NFASC: variants seen among roughly 807,000 people sequenced by gnomAD.
The protein encoded by NFASC is neurofascin homolog.
NFASC carries 43 observed loss-of-function variants against 147.5 expected under a neutral mutation model. The ratio of observed to expected loss-of-function variants is 0.29; its 90% confidence interval spans 0.23 to 0.38. The LOEUF is 0.38. NFASC is among the 10% of genes least tolerant of loss of function. The pLI is 1.00. For missense variants in NFASC, 1,320 were observed against 1,689.0 expected, an observed-to-expected ratio of 0.78 and a Z score of 3.83; for synonymous variants, 622 against 665.5, an observed-to-expected ratio of 0.93 and a Z score of 1.01.
At chr1:204,856,256 A>G (rs998183675) in intron 1 of NFASC, among the ~76,000 whole-genome samples, 2 of 152,064 alleles carry the variant, frequency 1.3e-5, no homozygotes, top group Non-Finnish European at 2.9e-5. Context: ...ATACAGACAG[A>G]TGGCTGTTGC....
chr1:205,007,678 A>T (rs1360705881), intron 27 of NFASC, among the ~76,000 whole-genome samples: 3 of 152,172 alleles, frequency 2.0e-5, no homozygotes, highest in Non-Finnish European at 4.4e-5. Flanking sequence ...CAAGGCAGCC[A>T]TTAGAAGAAA....
rs979317406 is a variant in NFASC, at chr1:205,016,810, C to T, written c.*271C>T. The T allele has an allele frequency of 9.4e-6, 5 of 529,278 alleles. No homozygotes were observed. Among genetic ancestry groups the T allele is most frequent in the Middle Eastern group, 5.2e-4 (1 of 1,912 alleles). 32.8% of individuals were successfully genotyped at this position (529,278 alleles called of 1,614,324 possible). A position where few individuals can be genotyped will look rare whatever the true frequency, so the allele number is the denominator to read the frequency against. ...GGGAGCCTGGCCCCTTGCCCGGTCTCGCAGCCACCCCGAGCGTTCCACCAC... is the reference window on the plus strand; with the variant it reads ...GGGAGCCTGGCCCCTTGCCCGGTCTTGCAGCCACCCCGAGCGTTCCACCAC... On this transcript the variant is annotated 3_prime_UTR_variant, in exon 30 of 30. Coordinates refer to ENST00000339876, the MANE Select transcript of NFASC (RefSeq NM_001005388.3). This position sits in a 1 kb window ranked among gnomAD's most constrained non-coding sequence, Gnocchi z 5.1.
intron 2 of NFASC, among the ~76,000 whole-genome samples, chr1:204,936,293 C>T (rs947287232): frequency 3.3e-5 from 5 of 151,346 alleles, no homozygotes; most frequent in Non-Finnish European, 7.4e-5. Flanking sequence ...CCTCCACCTC[C>T]CAGGTTCAAG....
chr1:204,872,663 C>T (rs973752316), intron 1 of NFASC, among the ~76,000 whole-genome samples: 1 of 152,154 alleles, frequency 6.6e-6, no homozygotes, highest in African/African-American at 2.4e-5. Flanking sequence ...AGATGAGGGC[C>T]TTCATCATAG....
intron 1 of NFASC, among the ~76,000 whole-genome samples, chr1:204,872,539 C>G: frequency 6.6e-6 from 1 of 152,200 alleles, no homozygotes; most frequent in East Asian, 1.9e-4. Context: ...CAACCGCAGT[C>G]AGCCGGCTGG....
At chr1:204,920,828 G>C in intron 2 of NFASC, 88 bp downstream of exon 2, 1 of 566,630 alleles carries the variant, frequency 1.8e-6, no homozygotes, top group South Asian at 1.6e-5. Context: ...TCTTTGATAA[G>C]GGAAGCCTGT....
intron 1 of NFASC, among the ~76,000 whole-genome samples, chr1:204,832,051 G>T (rs1672346009): frequency 6.6e-6 from 1 of 152,222 alleles, no homozygotes; most frequent in African/African-American, 2.4e-5. Context: ...TGACCCTGAA[G>T]TTGACTCTCA....
chr1:204,974,524 G>A (rs771538060), intron 13 of NFASC, 133 bp from the exon 14 acceptor site: 24 of 1,121,996 alleles, frequency 2.1e-5, no homozygotes, highest in South Asian at 1.0e-4. Context: ...CAGACCCTCC[G>A]AGGCTCAGGG....
rs2094494838 is a variant in NFASC, at chr1:204,957,779, C to T, written c.659C>T (p.Thr220Ile). 6.2e-7 allele frequency: 1 copy of T among 1,614,072 alleles called. No homozygotes were observed. The highest frequency in any genetic ancestry group is 8.5e-7 in the Non-Finnish European group (1 of 1,180,044). Residue 220 changes from threonine (T) to isoleucine (I), a missense_variant, in exon 8 of 30, where the codon ACC becomes ATC. Thr to Ile is a moderately conservative substitution (Grantham distance 89, BLOSUM62 -1). Coordinates refer to ENST00000339876, the MANE Select transcript of NFASC (RefSeq NM_001005388.3). ...DYSCNARFHF[T>I]HTIQQKNPFT... ...AGTTGTAACGCCCGCTTCCACTTCA[C>T]CCACACCATCCAGCAGAAGAACCCT...
In NFASC at chr1:205,016,692, C is replaced by A. The variant is rs1349295765; in HGVS notation, c.*153C>A. ...CCAAGCTGTGAGGACCAGTAGCCAC[C>A]AAGCCACCCACAAGCCCCCTCCCAA... is the stretch of plus-strand genomic sequence containing the variant. On this transcript the variant is annotated 3_prime_UTR_variant, in exon 30 of 30. Transcript: ENST00000339876. This position sits in a 1 kb window ranked among gnomAD's most constrained non-coding sequence, Gnocchi z 5.1. 1 of 700,158 alleles carries A rather than the reference C, an allele frequency of 1.4e-6. No homozygotes were observed. The highest frequency in any genetic ancestry group is 2.0e-5 in the Admixed American group (1 of 49,628). The allele number at this position is 700,158 out of a possible 1,614,324, so 43.4% of individuals were successfully genotyped here.
chr1:204,991,155 C>A, intron 23 of NFASC, 137 bp from the exon 24 acceptor site: 1 of 985,552 alleles, frequency 1.0e-6, no homozygotes, highest in Non-Finnish European at 1.6e-6. Context: ...CAGCACCTGG[C>A]CACGCCGTCT....
intron 3 of NFASC, chr1:204,946,892 G>A: frequency 2.3e-6 from 1 of 435,554 alleles, no homozygotes; most frequent in Non-Finnish European, 4.7e-6. Context: ...TGTGTGATGG[G>A]ATCCCACCGC....
At chr1:204,941,779 A>C (rs533214294) in intron 2 of NFASC, among the ~76,000 whole-genome samples, 2 of 151,962 alleles carry the variant, frequency 1.3e-5, no homozygotes, top group Admixed American at 1.3e-4. Context: ...GAGATTTTCT[A>C]CTCTCTTAAC....
At chr1:204,882,967 A>T (rs962107571) in intron 1 of NFASC, among the ~76,000 whole-genome samples, 7 of 152,022 alleles carry the variant, frequency 4.6e-5, no homozygotes, top group Admixed American at 4.6e-4. Context: ...GAATACGCCT[A>T]CATATGAGTC....
chr1:204,833,167 A>G (rs1231598559), intron 1 of NFASC, among the ~76,000 whole-genome samples: 2 of 152,240 alleles, frequency 1.3e-5, no homozygotes, highest in Non-Finnish European at 2.9e-5. Flanking sequence ...CCAGAAAAAA[A>G]TAAAAGTGGC....
intron 1 of NFASC, chr1:204,870,640 C>A: frequency 9.7e-7 from 1 of 1,031,054 alleles, no homozygotes; most frequent in Non-Finnish European, 1.2e-6. Flanking sequence ...CCACACAACT[C>A]TTCCATTATG....
chr1:204,969,791 G>C lies in NFASC; in HGVS notation c.1003+809G>C, dbSNP rs551656595. 2.6e-5 allele frequency among the ~76,000 whole-genome samples: 4 copies of C among 152,238 alleles called. No individual in the cohort carries two copies. In the South Asian group the frequency reaches 8.3e-4, roughly 32 times the overall value. On this transcript the variant is annotated intron_variant, in intron 10 of 29. Transcript: ENST00000339876. The stretch of plus-strand genomic sequence containing the variant: ...TGAACAAGGTGGCCAGCTGAGAACT[G>C]CTCTAGCTGGGCGTGGTGGCTCATG...
chr1:205,011,212 C>CA (rs914609936), intron 28 of NFASC, among the ~76,000 whole-genome samples: 11 of 151,726 alleles, frequency 7.2e-5, no homozygotes, highest in Admixed American at 1.3e-4. Flanking sequence ...CCAGGACCCC[C>CA]CCCAAAACTC....
Position 204,908,565 on chromosome 1 carries a change from T to C in NFASC, c.-199-12067T>C, listed in dbSNP as rs141424169. On this transcript the variant is annotated intron_variant, in intron 1 of 29. Transcript: ENST00000339876. The stretch of plus-strand genomic sequence containing the variant: ...ATTCAGTTGTAGCAGATAACACTAC[T>C]TTGCCCAGGTTCCCCCAATAGTAAC... 2.8e-3 allele frequency among the ~76,000 whole-genome samples: 431 copies of C among 152,246 alleles called. 3 individuals are homozygous for C. Among genetic ancestry groups the C allele is most frequent in the African/African-American group, 9.8e-3 (409 of 41,524 alleles).
Sources: allele counts gnomAD v4.1 joint callset (sites outside exome capture counted in the v4.1 genomes callset), GRCh38; gene constraint gnomAD v4.1.1; non-coding constraint Gnocchi (gnomAD v3.1); transcripts MANE v1.5; gene names NCBI Gene and HGNC (gene_info 2026-07-23, HGNC 2026-07-21).